The following ZC3H6 variants were observed in gnomAD, a reference collection of about 807,000 sequenced individuals.
ZC3H6 encodes the protein zinc finger CCCH domain-containing protein 6.
In ZC3H6, 40 loss-of-function variants were observed where a neutral mutation model predicts 107.7. That is an observed-to-expected ratio of 0.37 (90% CI 0.29 to 0.48). The LOEUF (loss-of-function observed/expected upper bound fraction) is 0.48. Ranked by LOEUF, ZC3H6 falls within the 20% of genes least tolerant of loss-of-function variation. The pLI, the probability that ZC3H6 is intolerant of heterozygous loss-of-function variation, is 0.98. For synonymous variants in ZC3H6, 493 were observed against 487.9 expected (o/e 1.01, Z -0.14); for missense variants, 1,267 against 1,410.4 (o/e 0.90, Z 1.63).
chr2:112,323,080 A>C (rs774055588), intron 9 of ZC3H6, among the ~76,000 whole-genome samples, 178 bp downstream of exon 9: 2 of 152,140 alleles, frequency 1.3e-5, no homozygotes, highest in Admixed American at 6.6e-5. Flanking sequence ...GCTGCTTGCC[A>C]TCAGTGCTTT....
At chr2:112,318,872 C>T (rs926417839) in intron 7 of ZC3H6, among the ~76,000 whole-genome samples, 4 of 152,188 alleles carry the variant, frequency 2.6e-5, no homozygotes, top group African/African-American at 9.7e-5. Flanking sequence ...AAGGACTGAT[C>T]AGTCTTAACA....
chr2:112,288,916 C>T (rs1676011486), intron 1 of ZC3H6, among the ~76,000 whole-genome samples: 1 of 152,170 alleles, frequency 6.6e-6, no homozygotes, highest in African/African-American at 2.4e-5. Flanking sequence ...GATATTGGTG[C>T]TCAGCCCTTT....
At chr2:112,290,523 T>C (rs967609028) in intron 1 of ZC3H6, among the ~76,000 whole-genome samples, 1 of 152,262 alleles carries the variant, frequency 6.6e-6, no homozygotes, top group Non-Finnish European at 1.5e-5. Flanking sequence ...ATTCTTTGAT[T>C]GGTGTCTGTG....
chr2:112,310,772 AGT>A (rs1215888625), intron 4 of ZC3H6, among the ~76,000 whole-genome samples: 1 of 152,196 alleles, frequency 6.6e-6, no homozygotes, highest in Non-Finnish European at 1.5e-5. Context: ...CTTCAGGAAA[AGT>A]GGAGCAATAT....
In ZC3H6 at chr2:112,332,474, T is replaced by C. The variant is rs751862823; in HGVS notation, c.3556T>C (p.Ser1186Pro). Residue 1186 changes from serine (S) to proline (P), a missense_variant, in exon 12 of 12, where the codon TCA (serine) becomes CCA (proline). Physicochemically the swap from Ser to Pro is moderately conservative, Grantham distance 74. Around this residue, in one of 3 missense-constraint regions of ZC3H6, gnomAD observed 925 missense variants for 1,025.7 expected, o/e 0.90. Transcript: ENST00000409871. ...TTTTAAAACTTTTGATCCAACTGCT[T>C]CACCATTTTGTTAGCTATTGTGTAA... The part of the protein sequence containing the change: ...EVFKTFDPTA[S>P]PFC 6.2e-7 allele frequency: 1 copy of C among 1,605,712 alleles called. No individual in the cohort carries two copies. Among genetic ancestry groups the C allele is most frequent in the Non-Finnish European group, 8.5e-7 (1 of 1,176,650 alleles).
intron 3 of ZC3H6, among the ~76,000 whole-genome samples, chr2:112,304,319 TAAC>T (rs1676436878): frequency 6.6e-6 from 1 of 152,222 alleles, no homozygotes; most frequent in Non-Finnish European, 1.5e-5. Flanking sequence ...AGAGCTAACA[TAAC>T]AAAATTTTAT....
chr2:112,279,210 C>T (rs1686482391), intron 1 of ZC3H6, among the ~76,000 whole-genome samples: 1 of 152,154 alleles, frequency 6.6e-6, no homozygotes, highest in Non-Finnish European at 1.5e-5. Context: ...AGTTCTTTTT[C>T]ATTCAGTTCT....
At chr2:112,315,173 ATGT>A (rs536963682) in intron 5 of ZC3H6, among the ~76,000 whole-genome samples, 41 of 152,306 alleles carry the variant, frequency 2.7e-4, no homozygotes, top group Non-Finnish European at 5.4e-4. Context: ...ATGAAAAATA[ATGT>A]TGTTTTTTAG....
intron 11 of ZC3H6, 24 bp downstream of exon 11, chr2:112,325,221 A>G (rs1676885759): frequency 6.2e-7 from 1 of 1,607,454 alleles, no homozygotes; most frequent in Non-Finnish European, 8.5e-7. Flanking sequence ...TATTAATAGC[A>G]TCTTACCTAT....
chr2:112,298,235 A>C (rs1007272847), intron 1 of ZC3H6, among the ~76,000 whole-genome samples: 5 of 152,206 alleles, frequency 3.3e-5, no homozygotes. Flanking sequence ...AAAATGTTTT[A>C]CACAGATAAG....
At chr2:112,318,223 A>G (rs1162734722) in intron 7 of ZC3H6, among the ~76,000 whole-genome samples, 1 of 152,254 alleles carries the variant, frequency 6.6e-6, no homozygotes, top group Non-Finnish European at 1.5e-5. Context: ...TGTAATTACC[A>G]GAGGAATACA....
chr2:112,304,476 T>C (rs1473742533), intron 3 of ZC3H6, among the ~76,000 whole-genome samples: 1 of 152,184 alleles, frequency 6.6e-6, no homozygotes, highest in Admixed American at 6.5e-5. Context: ...GGTTTGTCAC[T>C]GGCCTCCTTC....
intron 3 of ZC3H6, among the ~76,000 whole-genome samples, chr2:112,306,969 G>C (rs1386551759): frequency 1.3e-5 from 2 of 152,154 alleles, no homozygotes; most frequent in Non-Finnish European, 2.9e-5. Context: ...ATGGGTATTG[G>C]TCTAGTAATC....
In ZC3H6 at chr2:112,334,408, T is replaced by C. The variant is rs942864211; in HGVS notation, c.*1920T>C. The C allele has an allele frequency of 6.6e-6, 1 of 152,086 alleles. No homozygotes were observed. The highest frequency in any genetic ancestry group is 1.5e-5 in the Non-Finnish European group (1 of 67,978). The allele number at this position is 152,086 out of a possible 1,614,324, so 9.4% of individuals were successfully genotyped here. ...AGTGCTGTTTACATTTTAAGCATCA[T>C]ACAAAAAAGATAATTTGGCTTGCTA... On this transcript the variant is annotated 3_prime_UTR_variant, in exon 12 of 12. Transcript: ENST00000409871.
At chr2:112,291,415 G>A (rs564397904) in intron 1 of ZC3H6, among the ~76,000 whole-genome samples, 2 of 152,164 alleles carry the variant, frequency 1.3e-5, no homozygotes, top group Admixed American at 6.5e-5. Context: ...TGTAGTTTTA[G>A]TAGAGACGGG....
In ZC3H6 at chr2:112,338,889, ATATATATATATATATATATATAT is replaced by A. The variant is rs1677190677; in HGVS notation, c.*6402_*6424del. On this transcript the variant is annotated 3_prime_UTR_variant, in exon 12 of 12. Transcript: ENST00000409871. ...TATATATATATATATATATATATAT[ATATATATATATATATATATATAT>A]AATTTTTTTTTTTTGAGACGGAGTC... 1 of 20,132 alleles carries A rather than the reference ATATATATATATATATATATATAT, an allele frequency of 5.0e-5. No individual in the cohort carries two copies. The highest frequency in any genetic ancestry group is 7.4e-5 in the Non-Finnish European group (1 of 13,564). The allele number at this position is 20,132 out of a possible 1,614,324, so 1.2% of individuals were successfully genotyped here. A position where few individuals can be genotyped will look rare whatever the true frequency, so the allele number is the denominator to read the frequency against.
Position 112,294,096 on chromosome 2 carries a change from A to G in ZC3H6, c.33-5753A>G, listed in dbSNP as rs572141801. The stretch of plus-strand genomic sequence containing the variant: ...CACAAAATATGGAGGTTGGTAAGAA[A>G]TAGCCTTGTAGCAGCACCTCACAAT... On this transcript the variant is annotated intron_variant, in intron 1 of 11. Coordinates refer to ENST00000409871, the MANE Select transcript of ZC3H6 (RefSeq NM_198581.3). Among the ~76,000 whole-genome samples the G allele has an allele frequency of 4.6e-5, 7 of 152,336 alleles. No individual in the cohort carries two copies. In the East Asian group the frequency reaches 1.2e-3, roughly 25 times the overall value.
At chr2:112,301,777 A>G (rs1298865644) in intron 2 of ZC3H6, among the ~76,000 whole-genome samples, 2 of 152,244 alleles carry the variant, frequency 1.3e-5, no homozygotes, top group Admixed American at 6.5e-5. Context: ...AATTATAAGC[A>G]GAAGTGAATG....
intron 11 of ZC3H6, among the ~76,000 whole-genome samples, chr2:112,328,887 C>T (rs1003468060): frequency 1.1e-4 from 17 of 150,064 alleles, no homozygotes; most frequent in South Asian, 2.1e-4. Flanking sequence ...TGCAGTGAGC[C>T]GAGATCATGC....
Sources: gnomAD v4.1 joint callset for allele counts (sites outside exome capture counted in the v4.1 genomes callset) on GRCh38, gnomAD v4.1.1 for gene constraint, gnomAD v4.1.1 regional missense constraint, MANE v1.5 for transcripts, NCBI Gene and HGNC (gene_info 2026-07-23, HGNC 2026-07-21) for gene names.